The following MRPL34 variants were observed in gnomAD, a reference collection of about 807,000 sequenced individuals.
MRPL34 encodes the protein mitochondrial ribosomal protein L34.
In MRPL34, 8 loss-of-function variants were observed where a neutral mutation model predicts 6.7. The ratio of observed to expected loss-of-function variants is 1.20; its 90% CI spans 0.70 to 2.16. MRPL34 has a LOEUF of 2.16. MRPL34 is among the 30% of genes most tolerant of loss of function. The probability of loss-of-function intolerance (pLI) is 0.00; values close to 1 mark genes in which losing one functional copy is unlikely to be tolerated. For synonymous variants in MRPL34, 59 were observed against 55.1 expected (o/e 1.07, Z -0.31); for missense variants, 146 against 125.5 (o/e 1.16, Z -0.78).
upstream of MRPL34, among the ~76,000 whole-genome samples, chr19:17,305,062 GC>G (rs2074139215): frequency 6.6e-6 from 1 of 152,042 alleles, no homozygotes; most frequent in African/African-American, 2.4e-5. Flanking sequence ...TTTTTAAAGG[GC>G]GGATAGGGGA....
chr19:17,302,596 C>T (rs1341206151), upstream of MRPL34, among the ~76,000 whole-genome samples: 1 of 152,152 alleles, frequency 6.6e-6, no homozygotes, highest in Non-Finnish European at 1.5e-5. Context: ...CGGGGTGAGC[C>T]GGGGTCTGTT....
At chr19:17,304,388 C>T (rs2074136285), upstream of MRPL34, among the ~76,000 whole-genome samples, 1 of 152,208 alleles carries the variant, frequency 6.6e-6, no homozygotes. Flanking sequence ...AAGTTTGCTA[C>T]GCAGGTAAAG....
At chr19:17,299,386 C>T (rs890532885), upstream of MRPL34, among the ~76,000 whole-genome samples, 1 of 151,622 alleles carries the variant, frequency 6.6e-6, no homozygotes, top group Admixed American at 6.6e-5. Context: ...ACGGTGAAAC[C>T]CCGTCTGTAC....
chr19:17,294,291 G>C (rs1407909532), intron 1 of MRPL34: 13 of 1,601,870 alleles, frequency 8.1e-6, no homozygotes, highest in South Asian at 1.1e-5. Context: ...CCTCTACCTC[G>C]GCCATGCGCT....
upstream of MRPL34, among the ~76,000 whole-genome samples, chr19:17,298,756 T>TTTC (rs2074104010): frequency 6.8e-6 from 1 of 148,114 alleles, no homozygotes; most frequent in African/African-American, 2.5e-5. Context: ...TTTTTTTTTT[T>TTTC]TTTGGGCAGA....
chr19:17,292,644 C>T (rs1013403768), exon 1 of MRPL34: 3 of 1,598,128 alleles, frequency 1.9e-6, no homozygotes, highest in Non-Finnish European at 1.7e-6. Context: ...CCAAGCGATG[C>T]CCCGCCGGCC....
intron 1 of MRPL34, among the ~76,000 whole-genome samples, chr19:17,295,764 G>T (rs2074091450): frequency 6.6e-6 from 1 of 152,182 alleles, no homozygotes; most frequent in Non-Finnish European, 1.5e-5. Context: ...GAGTGGTGCG[G>T]TGGCGTAATC....
chr19:17,294,782 G>A (rs1214619474), intron 1 of MRPL34: 1 of 1,614,130 alleles, frequency 6.2e-7, no homozygotes, highest in Non-Finnish European at 8.5e-7. Context: ...CCCCGCCATT[G>A]ATCATGATCA....
At chr19:17,301,226 A>G, upstream of MRPL34, 1 of 1,593,820 alleles carries the variant, frequency 6.3e-7, no homozygotes, top group South Asian at 1.1e-5. Context: ...CCGGGGGCCA[A>G]GCGGCCATCG....
At position 17,305,927 on chromosome 19, in the gene MRPL34, CG is replaced by C; in HGVS notation, c.36del (p.Ser13ValfsTer58). ...TTGGCTGGATCCCTGTTGGGCCCCA[CG>C]AGTAGGTCGGCAGCGTTGCTGGGTG... ...AVLAGSLLGP[T>X]SRSAALLGGR... On this transcript the variant is annotated frameshift_variant, in exon 1 of 2. Transcript: ENST00000252602. LOFTEE classifies it low-confidence loss of function (END_TRUNC). The C allele has an allele frequency of 1.2e-6, 2 of 1,614,116 alleles. No homozygotes were observed. The highest frequency in any genetic ancestry group is 1.7e-6 in the Non-Finnish European group (2 of 1,180,012).
At chr19:17,301,675 G>A, upstream of MRPL34, 8 of 1,477,252 alleles carry the variant, frequency 5.4e-6, no homozygotes, top group Non-Finnish European at 7.1e-6. Flanking sequence ...TGAGAACCCT[G>A]CACCGTGCAG....
chr19:17,299,922 C>T (rs1412519343), upstream of MRPL34, among the ~76,000 whole-genome samples: 2 of 144,960 alleles, frequency 1.4e-5, no homozygotes, highest in African/African-American at 2.6e-5. Flanking sequence ...TTTTTCATGA[C>T]GGAGTCTCCT....
intron 1 of MRPL34, chr19:17,296,068 T>G (rs908623446): frequency 6.6e-6 from 1 of 152,218 alleles, no homozygotes; most frequent in Admixed American, 6.5e-5. Flanking sequence ...GAAGCCAAGA[T>G]TCTTCCCCTG....
chr19:17,304,096 G>C (rs2074135017), upstream of MRPL34, among the ~76,000 whole-genome samples: 2 of 152,174 alleles, frequency 1.3e-5, no homozygotes, highest in Admixed American at 6.5e-5. Flanking sequence ...CCATCGTGAC[G>C]GGCTTCTCTA....
At position 17,306,637 on chromosome 19, in the gene MRPL34, T is replaced by G; in HGVS notation, c.*258T>G. 2.9e-6 allele frequency: 1 copy of G among 343,768 alleles called. No individual in the cohort carries two copies. Among genetic ancestry groups the G allele is most frequent in the Non-Finnish European group, 5.3e-6 (1 of 189,894 alleles). 21.3% of individuals were successfully genotyped at this position (343,768 alleles called of 1,614,324 possible). A position where few individuals can be genotyped will look rare whatever the true frequency, so the allele number is the denominator to read the frequency against. On this transcript the variant is annotated 3_prime_UTR_variant, in exon 2 of 2. Coordinates refer to ENST00000252602, the MANE Select transcript of MRPL34 (RefSeq NM_023937.4). ...TGTACCCAGTACCCTGACTACCGAC[T>G]ACCTACAACCCGTCCCTGCCCCATC...
chr19:17,299,290 G>A (rs142065712), upstream of MRPL34, among the ~76,000 whole-genome samples: 237 of 148,206 alleles, frequency 1.6e-3, no homozygotes, highest in Middle Eastern at 7.2e-3. Flanking sequence ...GGCCTGGTGC[G>A]TTGGCTCACG....
At chr19:17,301,105 C>T, upstream of MRPL34, 1 of 1,613,324 alleles carries the variant, frequency 6.2e-7, no homozygotes, top group African/African-American at 1.3e-5. Flanking sequence ...GGCCTGGGCG[C>T]CTTTGCAGCT....
chr19:17,294,821 T>C (rs1230662396), intron 1 of MRPL34: 1 of 1,614,028 alleles, frequency 6.2e-7, no homozygotes, highest in South Asian at 1.1e-5. Context: ...GGTACTCATG[T>C]GCCAGGAATG....
intron 1 of MRPL34, chr19:17,294,228 C>A: frequency 6.4e-7 from 1 of 1,559,542 alleles, no homozygotes; most frequent in Non-Finnish European, 8.7e-7. Flanking sequence ...AGAGGCCACG[C>A]CCCTCCCGGG....
Sources: gnomAD v4.1 joint callset for allele counts (sites outside exome capture counted in the v4.1 genomes callset) on GRCh38, gnomAD v4.1.1 for gene constraint, MANE v1.5 for transcripts, NCBI Gene and HGNC (gene_info 2026-07-23, HGNC 2026-07-21) for gene names.